Variants in APP observed in about 807,000 individuals in gnomAD.
APP encodes the protein amyloid beta precursor protein, also known as amyloid-beta precursor protein.
In APP, 31 loss-of-function variants were observed where a neutral mutation model predicts 101.4. The ratio of observed to expected loss-of-function variants is 0.31; its 90% CI spans 0.23 to 0.41. The LOEUF is 0.41. APP is among the 10% of genes least tolerant of loss of function. APP has a pLI of 1.00. For synonymous variants in APP, 366 were observed against 364.4 expected, an observed-to-expected ratio of 1.00 and a Z score of -0.05; for missense variants, 839 against 1,003.7, an observed-to-expected ratio of 0.84 and a Z score of 2.22.
At chr21:26,047,815 C>T (rs2045671606) in intron 5 of APP, among the ~76,000 whole-genome samples, 1 of 152,022 alleles carries the variant, frequency 6.6e-6, no homozygotes, top group Non-Finnish European at 1.5e-5. Context: ...CAGTGTGTGG[C>T]TAGTATGAAT....
chr21:26,084,227 ATTTTTTTTT>A (rs869179482), intron 3 of APP, among the ~76,000 whole-genome samples: 38 of 83,058 alleles, frequency 4.6e-4, no homozygotes, highest in Admixed American at 6.7e-4. Flanking sequence ...GAAGGGCTCC[ATTTTTTTTT>A]TTTTTTTTTT....
chr21:25,983,434 T>C (rs1358678844), intron 8 of APP, among the ~76,000 whole-genome samples: 1 of 152,240 alleles, frequency 6.6e-6, no homozygotes, highest in Non-Finnish European at 1.5e-5. Context: ...TATTGAATTA[T>C]TACCTGTGTA....
At chr21:26,098,849 T>C (rs1049591970) in intron 2 of APP, among the ~76,000 whole-genome samples, 6 of 152,238 alleles carry the variant, frequency 3.9e-5, no homozygotes, top group African/African-American at 1.2e-4. Context: ...ATGAGTAACA[T>C]GTGATGCTTT....
Position 26,112,108 on chromosome 21 carries a change from G to T in APP, c.96C>A (p.Pro32=), listed in dbSNP as rs760410401. Residue 32 remains proline (P), a synonymous_variant, in exon 2 of 18, where the codon CCC becomes CCA. Transcript: ENST00000346798. The part of the protein sequence containing the change: ...TDGNAGLLAE[P]QIAMFCGRLN... ...GTCTGCCACAGAACATGGCAATCTG[G>T]GGTTCAGCCAGCAGGCCAGCATTAC... The T allele has an allele frequency of 3.1e-6, 5 of 1,613,920 alleles. No homozygotes were observed. Among genetic ancestry groups the T allele is most frequent in the Non-Finnish European group, 3.4e-6 (4 of 1,179,984 alleles).
chr21:25,991,321 AT>A (rs1326112416), intron 8 of APP, among the ~76,000 whole-genome samples: 2 of 152,190 alleles, frequency 1.3e-5, no homozygotes, highest in Admixed American at 1.3e-4. Flanking sequence ...TGGAAAAAAA[AT>A]AAAAATAAAA....
chr21:26,137,886 C>G (rs1445753185), intron 1 of APP, among the ~76,000 whole-genome samples: 1 of 152,022 alleles, frequency 6.6e-6, no homozygotes, highest in Non-Finnish European at 1.5e-5. Flanking sequence ...CATGGCTGTT[C>G]CAATGATTTT....
At position 26,064,738 on chromosome 21, in the gene APP, C is replaced by T. The variant is rs569991427; in HGVS notation, c.356-11390G>A. 2.8e-4 allele frequency among the ~76,000 whole-genome samples: 43 copies of T among 152,302 alleles called. No homozygotes were observed. In the South Asian group the frequency reaches 8.1e-3, roughly 29 times the overall value. On this transcript the variant is annotated intron_variant, in intron 3 of 17. Transcript: ENST00000346798. ...CATAACAAAGGGTCTCAATCCCCGG[C>T]GAGGCCCATGTTCCACAGAAGGAGA...
At chr21:25,963,914 G>C (rs1044736334) in intron 11 of APP, among the ~76,000 whole-genome samples, 7 of 152,118 alleles carry the variant, frequency 4.6e-5, no homozygotes, top group African/African-American at 1.7e-4. Context: ...GAGTATAAAA[G>C]GGCAAATGAT....
intron 9 of APP, among the ~76,000 whole-genome samples, chr21:25,976,354 T>G (rs1343209696): frequency 6.6e-6 from 1 of 152,172 alleles, no homozygotes; most frequent in Non-Finnish European, 1.5e-5. Context: ...AGGCACACAT[T>G]AACTGAACAA....
At chr21:26,100,789 A>G (rs986357032) in intron 2 of APP, among the ~76,000 whole-genome samples, 3 of 152,242 alleles carry the variant, frequency 2.0e-5, no homozygotes, top group Non-Finnish European at 2.9e-5. Context: ...TTAAAAAGGC[A>G]GAGAACAGAT....
At chr21:25,913,035 A>T (rs1443190946) in intron 13 of APP, among the ~76,000 whole-genome samples, 2 of 152,256 alleles carry the variant, frequency 1.3e-5, no homozygotes, top group Non-Finnish European at 2.9e-5. Context: ...AGTTTGCTGT[A>T]GTATATATTT....
chr21:25,897,112 A>G (rs1300005701), intron 16 of APP, among the ~76,000 whole-genome samples: 1 of 151,582 alleles, frequency 6.6e-6, no homozygotes, highest in Non-Finnish European at 1.5e-5. Context: ...AAAGAACTAT[A>G]CATACAGCCT....
At chr21:25,998,036 G>A (rs182176578) in intron 7 of APP, among the ~76,000 whole-genome samples, 34 of 152,262 alleles carry the variant, frequency 2.2e-4, no homozygotes, top group Admixed American at 2.0e-3. Context: ...GAGAGTGTTA[G>A]GTGAAGGGAT....
chr21:25,888,306 A>C (rs2037472135), intron 17 of APP, among the ~76,000 whole-genome samples: 1 of 152,182 alleles, frequency 6.6e-6, no homozygotes, highest in Non-Finnish European at 1.5e-5. Context: ...TGGAATGCTA[A>C]GAAAAATGGT....
intron 2 of APP, among the ~76,000 whole-genome samples, chr21:26,103,580 G>A (rs753036517): frequency 6.6e-6 from 1 of 152,098 alleles, no homozygotes; most frequent in Non-Finnish European, 1.5e-5. Flanking sequence ...CAGCCTGGGC[G>A]ATGGAGTGAG....
intron 6 of APP, among the ~76,000 whole-genome samples, chr21:26,002,495 A>C (rs1361565063): frequency 2.4e-5 from 3 of 123,238 alleles, no homozygotes; most frequent in Non-Finnish European, 5.4e-5. Context: ...CTCCTTCACC[A>C]ATGTGTACAT....
In APP at chr21:26,089,889, T is replaced by C. The variant is rs1007157779; in HGVS notation, c.355+54A>G. On this transcript the variant is annotated intron_variant, in intron 3 of 17. Coordinates refer to ENST00000346798, the MANE Select transcript of APP (RefSeq NM_000484.4). ...ACCTAACAGGAGCATCCTCTTTTTC[T>C]TCCCTCAAGACCAGGCCCCCAATCA... 11 of 1,611,240 alleles carry C rather than the reference T, an allele frequency of 6.8e-6. No homozygotes were observed. The East Asian group carries it at 8.9e-5, about 13-fold the overall frequency.
intron 2 of APP, among the ~76,000 whole-genome samples, chr21:26,107,989 C>G (rs879476159): frequency 6.6e-6 from 1 of 152,140 alleles, no homozygotes; most frequent in Non-Finnish European, 1.5e-5. Flanking sequence ...CCCAAACAAG[C>G]CTTGTTCCCT....
intron 3 of APP, among the ~76,000 whole-genome samples, chr21:26,080,975 T>A (rs931243010): frequency 1.3e-5 from 2 of 152,136 alleles, no homozygotes; most frequent in Non-Finnish European, 2.9e-5. Flanking sequence ...TACAACAATA[T>A]GTTATACTGA....
Sources: gnomAD v4.1 joint callset for allele counts (sites outside exome capture counted in the v4.1 genomes callset) on GRCh38, gnomAD v4.1.1 for gene constraint, MANE v1.5 for transcripts, NCBI Gene and HGNC (gene_info 2026-07-23, HGNC 2026-07-21) for gene names.